The following CRIM1 variants were observed in gnomAD, a reference collection of about 807,000 sequenced individuals.
CRIM1 encodes cysteine rich transmembrane BMP regulator 1, also known as cysteine-rich motor neuron 1 protein.
In CRIM1, 32 loss-of-function variants were observed where a neutral mutation model predicts 116.4. That is an observed-to-expected ratio of 0.27 (90% CI 0.21 to 0.37). The LOEUF is 0.37. Ranked by LOEUF, CRIM1 falls within the 10% of genes least tolerant of loss-of-function variation. CRIM1 has a pLI of 1.00. For missense variants in CRIM1, 1,331 were observed against 1,354.8 expected, an observed-to-expected ratio of 0.98 and a Z score of 0.28; for synonymous variants, 590 against 509.2, an observed-to-expected ratio of 1.16 and a Z score of -2.13.
rs573812384 is a variant in CRIM1 at position 36,550,645 on chromosome 2, T to C, written c.*1944T>C. On this transcript the variant is annotated 3_prime_UTR_variant, in exon 17 of 17. Transcript: ENST00000280527. ...AAGAAAAAGAAAAAGGTGTTCTAGC[T>C]GTTTGCATCAAAGGAAAAAAAGATT... 1 of 152,522 alleles carries C rather than the reference T, an allele frequency of 6.6e-6. No individual in the cohort carries two copies. Among genetic ancestry groups the C allele is most frequent in the Non-Finnish European group, 1.5e-5 (1 of 68,004 alleles). 9.4% of individuals were successfully genotyped at this position (152,522 alleles called of 1,614,324 possible). A position where few individuals can be genotyped will look rare whatever the true frequency, so the allele number is the denominator to read the frequency against.
intron 1 of CRIM1, among the ~76,000 whole-genome samples, chr2:36,370,704 G>A (rs896523688): frequency 6.6e-5 from 10 of 152,150 alleles, no homozygotes; most frequent in Non-Finnish European, 1.3e-4. Context: ...TTGAGAGAAT[G>A]GAAAAGTAGA....
chr2:36,467,470 G>A (rs977564210), intron 5 of CRIM1, among the ~76,000 whole-genome samples: 20 of 152,250 alleles, frequency 1.3e-4, no homozygotes, highest in African/African-American at 4.8e-4. Flanking sequence ...AAAATCTGTT[G>A]TTGTAAGGTC....
intron 8 of CRIM1, among the ~76,000 whole-genome samples, chr2:36,504,383 G>T (rs1378862835): frequency 1.3e-5 from 2 of 152,138 alleles, no homozygotes; most frequent in Non-Finnish European, 2.9e-5. Flanking sequence ...GTTGTAAAGA[G>T]ACAACATAAT....
rs1408520582 is a variant in CRIM1, at chr2:36,550,058, T to C, written c.*1357T>C. On this transcript the variant is annotated 3_prime_UTR_variant, in exon 17 of 17. Transcript: ENST00000280527. ...GAGTATGTATGTGTGTGTGTGTGTG[T>C]GTGTGTGTGCGCGCGCACGCACGCC... 1 of 149,224 alleles carries C rather than the reference T, an allele frequency of 6.7e-6. No individual in the cohort carries two copies. The highest frequency in any genetic ancestry group is 6.7e-5 in the Admixed American group (1 of 14,898). The allele number at this position is 149,224 out of a possible 1,614,324, so 9.2% of individuals were successfully genotyped here.
chr2:36,477,824 A>C (rs1679100073), intron 6 of CRIM1, among the ~76,000 whole-genome samples: 1 of 152,232 alleles, frequency 6.6e-6, no homozygotes, highest in South Asian at 2.1e-4. Flanking sequence ...ACAGATTAGG[A>C]TGTTGAAGTT....
At chr2:36,469,658 A>G (rs1383406969) in intron 5 of CRIM1, among the ~76,000 whole-genome samples, 1 of 152,036 alleles carries the variant, frequency 6.6e-6, no homozygotes, top group Non-Finnish European at 1.5e-5. Context: ...AAAAAAAAAC[A>G]CTAGTACAGA....
At chr2:36,445,059 T>G (rs1051914345) in intron 4 of CRIM1, among the ~76,000 whole-genome samples, 1 of 152,324 alleles carries the variant, frequency 6.6e-6, no homozygotes, top group South Asian at 2.1e-4. Context: ...GGGAGTATTT[T>G]GTAGCCTCTT....
At chr2:36,526,571 T>G (rs1431379102) in intron 13 of CRIM1, among the ~76,000 whole-genome samples, 1 of 152,140 alleles carries the variant, frequency 6.6e-6, no homozygotes, top group African/African-American at 2.4e-5. Context: ...TTAGCAGCCC[T>G]CATACCACAC....
chr2:36,439,830 A>G (rs917150588), intron 2 of CRIM1, among the ~76,000 whole-genome samples: 2 of 152,056 alleles, frequency 1.3e-5, no homozygotes, highest in African/African-American at 2.4e-5. Context: ...TTGCTTCTTT[A>G]TAATGTTTGT....
At chr2:36,480,359 CT>C (rs1679313885) in intron 7 of CRIM1, among the ~76,000 whole-genome samples, 3 of 152,158 alleles carry the variant, frequency 2.0e-5, no homozygotes, top group Admixed American at 2.0e-4. Flanking sequence ...TCATGTCAGT[CT>C]TTAATCTTGT....
At chr2:36,429,684 G>C (rs142110653) in intron 2 of CRIM1, among the ~76,000 whole-genome samples, 1 of 152,322 alleles carries the variant, frequency 6.6e-6, no homozygotes, top group African/African-American at 2.4e-5. Flanking sequence ...GTATAAAGTA[G>C]TAGTTCTCAA....
intron 4 of CRIM1, among the ~76,000 whole-genome samples, chr2:36,455,320 G>A (rs1677051261): frequency 6.6e-6 from 1 of 152,162 alleles, no homozygotes; most frequent in South Asian, 2.1e-4. Flanking sequence ...CAGCTAACAG[G>A]TGTTGTGTGC....
chr2:36,531,302 T>C (rs754210858), intron 13 of CRIM1, among the ~76,000 whole-genome samples: 21 of 152,106 alleles, frequency 1.4e-4, no homozygotes, highest in Non-Finnish European at 2.5e-4. Flanking sequence ...AATCAAGAAA[T>C]CCAACTATAA....
At chr2:36,546,508 T>C (rs996596262) in intron 15 of CRIM1, among the ~76,000 whole-genome samples, 11 of 152,292 alleles carry the variant, frequency 7.2e-5, no homozygotes, top group African/African-American at 2.6e-4. Flanking sequence ...GATTGATTAG[T>C]TTTAATCTAA....
intron 5 of CRIM1, among the ~76,000 whole-genome samples, chr2:36,466,948 G>C (rs531313478): frequency 2.7e-4 from 41 of 152,256 alleles, no homozygotes; most frequent in Admixed American, 8.5e-4. Flanking sequence ...AGATACCCAT[G>C]GGTCATTCCT....
intron 2 of CRIM1, among the ~76,000 whole-genome samples, chr2:36,431,365 T>A (rs2124901545): frequency 6.6e-6 from 1 of 152,346 alleles, no homozygotes; most frequent in Non-Finnish European, 1.5e-5. Context: ...AATGTCTTTA[T>A]GCCCTGTACA....
intron 12 of CRIM1, among the ~76,000 whole-genome samples, chr2:36,520,179 C>A (rs568321821): frequency 1.3e-5 from 2 of 152,322 alleles, no homozygotes; most frequent in South Asian, 4.1e-4. Context: ...TCACTGCCAG[C>A]GTATCCTGAT....
intron 2 of CRIM1, among the ~76,000 whole-genome samples, chr2:36,399,062 T>C (rs1672239186): frequency 6.6e-6 from 1 of 152,212 alleles, no homozygotes; most frequent in South Asian, 2.1e-4. Flanking sequence ...AGTGGGAATC[T>C]GCATGACTTA....
At chr2:36,491,318 G>A (rs982103986) in intron 7 of CRIM1, among the ~76,000 whole-genome samples, 2 of 152,036 alleles carry the variant, frequency 1.3e-5, no homozygotes, top group African/African-American at 2.4e-5. Flanking sequence ...CATTTTGGAC[G>A]GCTTGGATTT....
Sources: gnomAD v4.1 joint callset for allele counts (sites outside exome capture counted in the v4.1 genomes callset) on GRCh38, gnomAD v4.1.1 for gene constraint, MANE v1.5 for transcripts, NCBI Gene and HGNC (gene_info 2026-07-23, HGNC 2026-07-21) for gene names.